Variants in RREB1 observed in about 807,000 individuals in gnomAD.
RREB1 encodes the protein ras responsive element binding protein 1.
A neutral mutation model predicts 117.8 loss-of-function variants in RREB1; 27 were observed. The observed-to-expected ratio is 0.23, with a 90% CI of 0.17 to 0.32. The LOEUF is 0.32. Among genes scored for constraint, RREB1 ranks in the 10% least tolerant of loss-of-function variants. RREB1 has a pLI of 1.00. For synonymous variants in RREB1, 1,298 were observed against 1,026.7 expected, an observed-to-expected ratio of 1.26 and a Z score of -5.05; for missense variants, 2,577 against 2,378.2, an observed-to-expected ratio of 1.08 and a Z score of -1.74.
chr6:7,149,654 G>GT (rs893856265), intron 1 of RREB1, among the ~76,000 whole-genome samples: 1 of 152,174 alleles, frequency 6.6e-6, no homozygotes, highest in Non-Finnish European at 1.5e-5. Context: ...AAAATAATAG[G>GT]TATTTACTCA....
At chr6:7,174,932 A>G (rs868281698) in intron 1 of RREB1, among the ~76,000 whole-genome samples, 1 of 151,788 alleles carries the variant, frequency 6.6e-6, no homozygotes, top group Non-Finnish European at 1.5e-5. Flanking sequence ...ATTTATTTTA[A>G]TTTTTGTTAT....
At chr6:7,140,960 CAG>C (rs1172006015) in intron 1 of RREB1, among the ~76,000 whole-genome samples, 3 of 152,210 alleles carry the variant, frequency 2.0e-5, no homozygotes. Context: ...TGCCTTCCCT[CAG>C]AGGCGGGCAG....
intron 6 of RREB1, among the ~76,000 whole-genome samples, chr6:7,197,877 AATGTGACCTGCTCC>A (rs1765748903): frequency 6.6e-6 from 1 of 152,208 alleles, no homozygotes; most frequent in Non-Finnish European, 1.5e-5. Flanking sequence ...GCTGCGCAGA[AATGTGACCTGCTCC>A]ATGACAAATG....
chr6:7,212,709 GT>G, intron 8 of RREB1: 1 of 152,202 alleles, frequency 6.6e-6, no homozygotes, highest in South Asian at 2.1e-4. Flanking sequence ...TTGGGCATCT[GT>G]TTGCCTGAAT....
intron 5 of RREB1, among the ~76,000 whole-genome samples, 179 bp from the exon 6 acceptor site, chr6:7,188,976 ATATT>A (rs1765252288): frequency 6.6e-6 from 1 of 152,212 alleles, no homozygotes; most frequent in South Asian, 2.1e-4. Context: ...ATCATACAAA[ATATT>A]TATTTGCCTG....
At chr6:7,234,785 C>T (rs1213285744) in intron 10 of RREB1, among the ~76,000 whole-genome samples, 2 of 152,180 alleles carry the variant, frequency 1.3e-5, no homozygotes, top group Non-Finnish European at 2.9e-5. Flanking sequence ...TTTTAAGGAG[C>T]TAAGTAACTT....
intron 1 of RREB1, among the ~76,000 whole-genome samples, chr6:7,154,804 T>G (rs1333419587): frequency 2.0e-5 from 3 of 152,114 alleles, no homozygotes; most frequent in Non-Finnish European, 4.4e-5. Context: ...GGCCTTAAGG[T>G]AGTCTTTTCA....
intron 1 of RREB1, among the ~76,000 whole-genome samples, chr6:7,145,667 G>A (rs1029308335): frequency 6.6e-6 from 1 of 151,764 alleles, no homozygotes; most frequent in African/African-American, 2.4e-5. Context: ...ATTTTGCAGG[G>A]TCAGGAGGAG....
At chr6:7,234,452 G>A (rs1175120870) in intron 10 of RREB1, among the ~76,000 whole-genome samples, 2 of 152,080 alleles carry the variant, frequency 1.3e-5, no homozygotes, top group Non-Finnish European at 2.9e-5. Flanking sequence ...GTCTTTGCAG[G>A]TGCCTGATAT....
chr6:7,247,035 C>A lies in RREB1; in HGVS notation c.4585C>A (p.Pro1529Thr), dbSNP rs201769527. 1 of 1,612,414 alleles carries A rather than the reference C, an allele frequency of 6.2e-7. No individual in the cohort carries two copies. The highest frequency in any genetic ancestry group is 2.2e-5 in the East Asian group (1 of 44,764). ...AEKLAEETEG[P>T]SDGESAAEKR... is the part of the protein sequence containing the mutation. The stretch of plus-strand genomic sequence containing the variant: ...AAAGCTCGCGGAGGAGACGGAGGGC[C>A]CCTCCGACGGGGAGAGCGCGGCCGA... Residue 1529 changes from proline to threonine, a missense_variant, in exon 12 of 13, where the codon CCC becomes ACC. Pro to Thr is a conservative substitution (Grantham distance 38). Transcript: ENST00000379938.
chr6:7,164,480 C>T (rs1763827651), intron 1 of RREB1, among the ~76,000 whole-genome samples: 1 of 152,236 alleles, frequency 6.6e-6, no homozygotes, highest in African/African-American at 2.4e-5. Context: ...ATTAACCTCA[C>T]ATATGCTGAT....
intron 6 of RREB1, among the ~76,000 whole-genome samples, chr6:7,204,042 A>G (rs1429579176): frequency 6.6e-6 from 1 of 152,234 alleles, no homozygotes; most frequent in East Asian, 1.9e-4. Context: ...GGCTGACGGC[A>G]TTCCCACAGC....
In RREB1 at chr6:7,196,410, C is replaced by G. The variant is rs372953777; in HGVS notation, c.425+7088C>G. 1.3e-3 allele frequency among the ~76,000 whole-genome samples: 203 copies of G among 151,892 alleles called. 1 individual carries two copies. Among genetic ancestry groups the G allele is most frequent in the African/African-American group, 4.6e-3 (190 of 41,496 alleles). Reference sequence around the variant, plus strand: ...TTGTTAGTTATCTGTATTTGTAATGCTACTCAGTCTTTTTGTAGAGTTTCC... The same window carrying G: ...TTGTTAGTTATCTGTATTTGTAATGGTACTCAGTCTTTTTGTAGAGTTTCC... On this transcript the variant is annotated intron_variant, in intron 6 of 12. Transcript: ENST00000379938.
At chr6:7,231,941 C>A in intron 10 of RREB1, 34 bp downstream of exon 10, 2 of 1,542,626 alleles carry the variant, frequency 1.3e-6, no homozygotes, top group Non-Finnish European at 1.8e-6. Context: ...GGCAGTGAGT[C>A]CTACTTCCTG....
chr6:7,188,722 C>T (rs1765238535), intron 5 of RREB1, among the ~76,000 whole-genome samples: 1 of 152,152 alleles, frequency 6.6e-6, no homozygotes, highest in African/African-American at 2.4e-5. Flanking sequence ...AAACTCTACC[C>T]TGTGCAGGTT....
intron 6 of RREB1, among the ~76,000 whole-genome samples, chr6:7,194,651 T>C (rs1018116306): frequency 6.6e-6 from 1 of 152,250 alleles, no homozygotes; most frequent in African/African-American, 2.4e-5. Flanking sequence ...GGCTAAGTTC[T>C]AATCTTAGTT....
chr6:7,235,489 T>C (rs1348726289), intron 10 of RREB1, among the ~76,000 whole-genome samples: 1 of 152,242 alleles, frequency 6.6e-6, no homozygotes, highest in Non-Finnish European at 1.5e-5. Flanking sequence ...TATTTTTGTT[T>C]TTTCTAGTTT....
At chr6:7,232,096 G>A (rs1157054156) in intron 10 of RREB1, among the ~76,000 whole-genome samples, 189 bp downstream of exon 10, 2 of 152,174 alleles carry the variant, frequency 1.3e-5, no homozygotes, top group Non-Finnish European at 2.9e-5. Flanking sequence ...GTACCCACAT[G>A]GCCTTTGTGC....
intron 1 of RREB1, among the ~76,000 whole-genome samples, chr6:7,147,084 G>A (rs940614224): frequency 1.3e-4 from 20 of 152,162 alleles, no homozygotes; most frequent in South Asian, 2.1e-4. Flanking sequence ...TGGGTGGCTC[G>A]TGGAGAAGGT....
Sources: allele counts gnomAD v4.1 joint callset (sites outside exome capture counted in the v4.1 genomes callset), GRCh38; gene constraint gnomAD v4.1.1; transcripts MANE v1.5; gene names NCBI Gene and HGNC (gene_info 2026-07-23, HGNC 2026-07-21).